Variants in NKD1 observed in about 807,000 individuals in gnomAD.
The protein encoded by NKD1 is protein naked cuticle homolog 1.
A neutral mutation model predicts 56.0 loss-of-function variants in NKD1; 21 were observed. That is an observed-to-expected ratio of 0.38 (90% CI 0.27 to 0.54). NKD1 has a LOEUF of 0.54. Ranked by LOEUF, NKD1 falls within the 20% of genes least tolerant of loss-of-function variation. The pLI is 0.82. For synonymous variants in NKD1, 263 were observed against 265.7 expected (o/e 0.99, Z 0.10); for missense variants, 578 against 642.7 (o/e 0.90, Z 1.09).
At chr16:50,587,274 A>C (rs527376369) in intron 3 of NKD1, among the ~76,000 whole-genome samples, 1 of 152,190 alleles carries the variant, frequency 6.6e-6, no homozygotes, top group Non-Finnish European at 1.5e-5. Context: ...ATTTCTGACC[A>C]CTTCCTAGAC....
At chr16:50,585,245 T>C (rs182760975) in intron 3 of NKD1, among the ~76,000 whole-genome samples, 62 of 152,300 alleles carry the variant, frequency 4.1e-4, no homozygotes, top group Middle Eastern at 3.4e-3. Flanking sequence ...GGGGGATAGC[T>C]AAAGTCCCTC....
Position 50,639,245 on chromosome 16 carries a change from C to G in NKD1, c.*5464C>G, listed in dbSNP as rs1246530484. ...TTCCCCCAAATGACCTCAGAGGGCC[C>G]GATTTGAGGGAAATGCCTAACTTCA... On this transcript the variant is annotated 3_prime_UTR_variant, in exon 10 of 10. Coordinates refer to ENST00000268459, the MANE Select transcript of NKD1 (RefSeq NM_033119.5). 1 of 152,086 alleles carries G rather than the reference C, an allele frequency of 6.6e-6. No homozygotes were observed. Among genetic ancestry groups the G allele is most frequent in the East Asian group, 1.9e-4 (1 of 5,166 alleles). 9.4% of individuals were successfully genotyped at this position (152,086 alleles called of 1,614,324 possible).
At chr16:50,631,893 C>G (rs1184759623) in intron 8 of NKD1, among the ~76,000 whole-genome samples, 1 of 152,248 alleles carries the variant, frequency 6.6e-6, no homozygotes, top group African/African-American at 2.4e-5. Context: ...GCTGCCCACA[C>G]CCCCTGAGGA....
rs1007644132 is a variant in NKD1, at chr16:50,632,509, G to A, written c.823+101G>A. On this transcript the variant is annotated intron_variant, in intron 9 of 9. Coordinates refer to ENST00000268459, the MANE Select transcript of NKD1 (RefSeq NM_033119.5). The surrounding 1 kb of genome is among the most constrained non-coding windows in gnomAD (Gnocchi z 4.1). ...GGTGTTCACTGCTACCCCAGGCTTC[G>A]GTAAGACAACTATTATGGGACAGGT... is the stretch of plus-strand genomic sequence containing the variant. 15 of 1,178,822 alleles carry A rather than the reference G, an allele frequency of 1.3e-5. No homozygotes were observed. The Admixed American group carries it at 1.6e-4, about 12-fold the overall frequency. The allele number at this position is 1,178,822 out of a possible 1,614,324, so 73.0% of individuals were successfully genotyped here.
chr16:50,613,859 C>T (rs912999838), intron 4 of NKD1, among the ~76,000 whole-genome samples: 7 of 152,164 alleles, frequency 4.6e-5, no homozygotes, highest in Admixed American at 1.3e-4. Context: ...ACAGATGTTT[C>T]GTCTCAATCC....
chr16:50,555,260 GGCCTCCAAATGGCTCTGCA>G (rs1242308742), intron 3 of NKD1: 3 of 152,494 alleles, frequency 2.0e-5, no homozygotes, highest in Admixed American at 1.3e-4. Context: ...AAGGGAATGT[GGCCTCCAAATGGCTCTGCA>G]GCCTGTGGGA....
At chr16:50,579,073 A>G (rs926303006) in intron 3 of NKD1, among the ~76,000 whole-genome samples, 1 of 152,104 alleles carries the variant, frequency 6.6e-6, no homozygotes, top group Non-Finnish European at 1.5e-5. Context: ...GCATTCTCTC[A>G]GTCCCACGGG....
intron 3 of NKD1, among the ~76,000 whole-genome samples, chr16:50,597,790 C>A (rs1389160992): frequency 1.3e-5 from 2 of 152,180 alleles, no homozygotes; most frequent in African/African-American, 4.8e-5. Flanking sequence ...TTGGTGCCCT[C>A]ATTTTATAGA....
At chr16:50,594,643 G>A (rs897697988) in intron 3 of NKD1, among the ~76,000 whole-genome samples, 1 of 152,216 alleles carries the variant, frequency 6.6e-6, no homozygotes, top group Non-Finnish European at 1.5e-5. Flanking sequence ...TGAGTTTGTC[G>A]TGACAGGAGG....
In NKD1 at chr16:50,634,164, C is replaced by T. The variant is rs74017754; in HGVS notation, c.*383C>T. 4,931 of 183,566 alleles carry T rather than the reference C, an allele frequency of 0.027. 273 individuals are homozygous for T. The highest frequency in any genetic ancestry group is 0.11 in the African/African-American group (4,558 of 42,794). 11.4% of individuals were successfully genotyped at this position (183,566 alleles called of 1,614,324 possible). A position where few individuals can be genotyped will look rare whatever the true frequency, so the allele number is the denominator to read the frequency against. On this transcript the variant is annotated 3_prime_UTR_variant, in exon 10 of 10. Coordinates refer to ENST00000268459, the MANE Select transcript of NKD1 (RefSeq NM_033119.5). ...TCCAGGAGAGCACCCTTACTTGGCC[C>T]GGCTTCCAGAGACCCTCGAAATCTC...
At chr16:50,586,988 G>A (rs1032364017) in intron 3 of NKD1, among the ~76,000 whole-genome samples, 1 of 152,196 alleles carries the variant, frequency 6.6e-6, no homozygotes, top group Non-Finnish European at 1.5e-5. Context: ...CTCTCAGGTC[G>A]TCGTGAGTTC....
intron 2 of NKD1, 148 bp from the exon 3 acceptor site, chr16:50,549,274 C>G (rs1281390440): frequency 2.1e-6 from 2 of 956,840 alleles, no homozygotes; most frequent in Non-Finnish European, 3.1e-6. Flanking sequence ...CCGCGTCCCT[C>G]TCTTGGCTCC....
intron 1 of NKD1, 57 bp downstream of exon 1, chr16:50,548,635 C>G: frequency 1.4e-6 from 2 of 1,453,684 alleles, no homozygotes; most frequent in Middle Eastern, 2.0e-4. Context: ...CCGCCGCGGT[C>G]GCTAACTCTC....
In NKD1 at chr16:50,642,228, C is replaced by T. The variant is rs1032810994; in HGVS notation, c.*8447C>T. The T allele has an allele frequency of 3.3e-5, 5 of 152,290 alleles. No homozygotes were observed. Among genetic ancestry groups the T allele is most frequent in the Non-Finnish European group, 7.3e-5 (5 of 68,094 alleles). The allele number at this position is 152,290 out of a possible 1,614,324, so 9.4% of individuals were successfully genotyped here. On this transcript the variant is annotated 3_prime_UTR_variant, in exon 10 of 10. Transcript: ENST00000268459. ...ACATGGGCAGTCTCAGTAGGAGTCTCAGGCCAGGCTCTGTCTGTGGATTCC... is the reference window on the plus strand; with the variant it reads ...ACATGGGCAGTCTCAGTAGGAGTCTTAGGCCAGGCTCTGTCTGTGGATTCC...
chr16:50,571,751 A>G (rs201340612), intron 3 of NKD1, among the ~76,000 whole-genome samples: 9 of 152,228 alleles, frequency 5.9e-5, no homozygotes, highest in African/African-American at 2.2e-4. Context: ...GAGGACTCCA[A>G]CAGCCTCTGA....
chr16:50,590,634 G>A (rs1210054708), intron 3 of NKD1, among the ~76,000 whole-genome samples: 2 of 152,164 alleles, frequency 1.3e-5, no homozygotes, highest in Non-Finnish European at 2.9e-5. Context: ...ATCATACAGA[G>A]GAGGAAACTA....
intron 3 of NKD1, chr16:50,552,543 G>A (rs567023877): frequency 6.6e-6 from 1 of 152,298 alleles, no homozygotes; most frequent in South Asian, 2.1e-4. Context: ...AGATGTGAAA[G>A]GGTGACCATG....
chr16:50,633,071 T>A lies in NKD1; in HGVS notation c.824-121T>A. Reference sequence around the variant, plus strand: ...TTTCCTGCAAGGCAGTGAGGGGCAGTCAGGGCATTGGGGGGTAGCTCTGGT... The same window carrying A: ...TTTCCTGCAAGGCAGTGAGGGGCAGACAGGGCATTGGGGGGTAGCTCTGGT... On this transcript the variant is annotated intron_variant, in intron 9 of 9. Coordinates refer to ENST00000268459, the MANE Select transcript of NKD1 (RefSeq NM_033119.5). This position sits in a 1 kb window ranked among gnomAD's most constrained non-coding sequence, Gnocchi z 4.9. 1.2e-6 allele frequency: 1 copy of A among 854,524 alleles called. No individual in the cohort carries two copies. Among genetic ancestry groups the A allele is most frequent in the East Asian group, 3.0e-5 (1 of 33,648 alleles). 52.9% of individuals were successfully genotyped at this position (854,524 alleles called of 1,614,324 possible). A position where few individuals can be genotyped will look rare whatever the true frequency, so the allele number is the denominator to read the frequency against.
chr16:50,553,195 A>G (rs1348377260), intron 3 of NKD1, among the ~76,000 whole-genome samples: 1 of 148,078 alleles, frequency 6.8e-6, no homozygotes, highest in Non-Finnish European at 1.5e-5. Flanking sequence ...AGCTTAATAG[A>G]TAGATTAAAT....
Sources: gnomAD v4.1 joint callset for allele counts (sites outside exome capture counted in the v4.1 genomes callset) on GRCh38, gnomAD v4.1.1 for gene constraint, Gnocchi (gnomAD v3.1) non-coding constraint, MANE v1.5 for transcripts, NCBI Gene and HGNC (gene_info 2026-07-23, HGNC 2026-07-21) for gene names.